Variants in TTC7B observed in about 807,000 individuals in gnomAD.
The protein encoded by TTC7B is tetratricopeptide repeat protein 7B.
Under a neutral mutation model 106.8 loss-of-function variants are expected in TTC7B, and 28 were observed. That is an observed-to-expected ratio of 0.26 (90% CI 0.19 to 0.36). The LOEUF (loss-of-function observed/expected upper bound fraction) is 0.36. Ranked by LOEUF, TTC7B falls within the 10% of genes least tolerant of loss-of-function variation. The pLI, the probability that TTC7B is intolerant of heterozygous loss-of-function variation, is 1.00. For synonymous variants in TTC7B, 405 were observed against 430.6 expected (o/e 0.94, Z 0.74); for missense variants, 862 against 1,076.4 (o/e 0.80, Z 2.79).
intron 1 of TTC7B, among the ~76,000 whole-genome samples, chr14:90,809,902 A>T (rs370175889): frequency 3.3e-5 from 5 of 152,334 alleles, no homozygotes; most frequent in African/African-American, 1.2e-4. Flanking sequence ...GCAACAGAAA[A>T]CAGCTGGTAG....
chr14:90,692,665 A>G (rs992918744), intron 6 of TTC7B, among the ~76,000 whole-genome samples: 5 of 152,226 alleles, frequency 3.3e-5, no homozygotes, highest in Non-Finnish European at 5.9e-5. Context: ...AGTTACTTTC[A>G]TTGTGCTTCC....
At chr14:90,760,310 T>C (rs9944033) in intron 3 of TTC7B, among the ~76,000 whole-genome samples, 69,433 of 151,934 alleles carry the variant, frequency 0.46, 17,617 homozygotes, top group African/African-American at 0.69. Flanking sequence ...CAGCAGGACA[T>C]GCAGCCAGCC....
At chr14:90,763,029 C>T (rs568541470) in intron 3 of TTC7B, among the ~76,000 whole-genome samples, 1 of 152,288 alleles carries the variant, frequency 6.6e-6, no homozygotes, top group African/African-American at 2.4e-5. Flanking sequence ...AAGGAGGGAA[C>T]ACTTCACAAC....
At chr14:90,650,930 A>G (rs903410003) in intron 13 of TTC7B, among the ~76,000 whole-genome samples, 1 of 152,226 alleles carries the variant, frequency 6.6e-6, no homozygotes, top group Non-Finnish European at 1.5e-5. Flanking sequence ...TGGATCCACT[A>G]GAGAACAAAT....
In TTC7B at chr14:90,526,110, T is replaced by C. The variant is rs1440820295; in HGVS notation, c.*15258A>G. 2 of 152,222 alleles carry C rather than the reference T, an allele frequency of 1.3e-5. No homozygotes were observed. Among genetic ancestry groups the C allele is most frequent in the East Asian group, 3.8e-4 (2 of 5,206 alleles). 9.4% of individuals were successfully genotyped at this position (152,222 alleles called of 1,614,324 possible). On this transcript the variant is annotated 3_prime_UTR_variant, in exon 20 of 20. Coordinates refer to ENST00000328459, the MANE Select transcript of TTC7B (RefSeq NM_001010854.2). The stretch of plus-strand genomic sequence containing the variant: ...CTTTTTAAGAAACTGCCAAACTGTT[T>C]TCCAAAGTGGCTGTACCATTTTACA...
chr14:90,751,117 A>G (rs149759856), intron 3 of TTC7B, among the ~76,000 whole-genome samples: 22 of 152,368 alleles, frequency 1.4e-4, no homozygotes, highest in African/African-American at 5.3e-4. Flanking sequence ...AGTGAAAAGC[A>G]GACTTGAAAA....
rs1332094694 is a variant in TTC7B, at chr14:90,555,360, C to G, written c.2311-13771G>C. 3.9e-5 allele frequency among the ~76,000 whole-genome samples: 6 copies of G among 152,190 alleles called. 1 individual carries two copies. The highest frequency in any genetic ancestry group is 8.8e-5 in the Non-Finnish European group (6 of 68,040). ...TGGCGGCTGCCAGATTCCGGGTGAG[C>G]CAGACCACGGGCTCTTGGGACCCAG... is the stretch of plus-strand genomic sequence containing the variant. On this transcript the variant is annotated intron_variant, in intron 19 of 19. Coordinates refer to ENST00000328459, the MANE Select transcript of TTC7B (RefSeq NM_001010854.2).
At chr14:90,584,111 G>A (rs1891620175) in intron 18 of TTC7B, among the ~76,000 whole-genome samples, 1 of 152,156 alleles carries the variant, frequency 6.6e-6, no homozygotes, top group South Asian at 2.1e-4. Context: ...GCAGGGCTGG[G>A]TCAAGCCTGT....
intron 5 of TTC7B, among the ~76,000 whole-genome samples, chr14:90,708,476 T>C (rs562052068): frequency 2.0e-4 from 31 of 152,212 alleles, no homozygotes; most frequent in Non-Finnish European, 2.6e-4. Flanking sequence ...TTATGCTAAA[T>C]TGACTCTGCC....
At position 90,541,208 on chromosome 14, in the gene TTC7B, C is replaced by T. The variant is rs1889564516; in HGVS notation, c.*160G>A. The T allele has an allele frequency of 1.2e-5, 7 of 560,092 alleles. No homozygotes were observed. The South Asian group carries it at 1.3e-4, about 10-fold the overall frequency. The allele number at this position is 560,092 out of a possible 1,614,324, so 34.7% of individuals were successfully genotyped here. On this transcript the variant is annotated 3_prime_UTR_variant, in exon 20 of 20. Coordinates refer to ENST00000328459, the MANE Select transcript of TTC7B (RefSeq NM_001010854.2). Reference sequence around the variant, plus strand: ...ACAAGAGAAACGCACATGGCGAGAGCGATGATTCGGGGTTGGTTTGGTTGG... The same window carrying T: ...ACAAGAGAAACGCACATGGCGAGAGTGATGATTCGGGGTTGGTTTGGTTGG...
Position 90,531,675 on chromosome 14 carries a change from G to T in TTC7B, c.*9693C>A, listed in dbSNP as rs1408630795. On this transcript the variant is annotated 3_prime_UTR_variant, in exon 20 of 20. Transcript: ENST00000328459. The stretch of plus-strand genomic sequence containing the variant: ...GGTGAACTGGCTTCATTTCTATACA[G>T]GAGCTCTGTCCATCTGCCAGTGCAG... 1.3e-5 allele frequency: 2 copies of T among 150,156 alleles called. No homozygotes were observed. Among genetic ancestry groups the T allele is most frequent in the Non-Finnish European group, 2.9e-5 (2 of 67,848 alleles). 9.3% of individuals were successfully genotyped at this position (150,156 alleles called of 1,614,324 possible). A position where few individuals can be genotyped will look rare whatever the true frequency, so the allele number is the denominator to read the frequency against.
intron 19 of TTC7B, among the ~76,000 whole-genome samples, chr14:90,553,246 G>A (rs1345118044): frequency 6.6e-6 from 1 of 152,220 alleles, no homozygotes; most frequent in Non-Finnish European, 1.5e-5. Flanking sequence ...GCTATCATGG[G>A]GCCCCTTTTC....
At chr14:90,716,927 A>G (rs1595312027) in intron 5 of TTC7B, among the ~76,000 whole-genome samples, 2 of 152,326 alleles carry the variant, frequency 1.3e-5, no homozygotes, top group East Asian at 1.9e-4. Context: ...GCTAGCAGAA[A>G]AAAAGATACA....
intron 3 of TTC7B, among the ~76,000 whole-genome samples, chr14:90,753,156 T>C (rs1197632862): frequency 1.3e-5 from 2 of 152,220 alleles, no homozygotes; most frequent in Non-Finnish European, 2.9e-5. Flanking sequence ...GAAAAGACTA[T>C]AAAATATAAT....
chr14:90,788,561 A>G (rs961486466), intron 1 of TTC7B, among the ~76,000 whole-genome samples: 1 of 138,090 alleles, frequency 7.2e-6, no homozygotes, highest in Non-Finnish European at 1.6e-5. Flanking sequence ...ACACTGTACC[A>G]TGTGCTCTTA....
chr14:90,621,795 G>C (rs1884210681), intron 15 of TTC7B, among the ~76,000 whole-genome samples: 1 of 152,212 alleles, frequency 6.6e-6, no homozygotes, highest in Non-Finnish European at 1.5e-5. Context: ...CTGAAAACAA[G>C]CAGTGATGCT....
At chr14:90,633,631 T>C (rs552454712) in intron 15 of TTC7B, among the ~76,000 whole-genome samples, 97 of 152,354 alleles carry the variant, frequency 6.4e-4, no homozygotes, top group African/African-American at 2.2e-3. Context: ...CGACCAACAG[T>C]GCCTCATTGC....
intron 11 of TTC7B, among the ~76,000 whole-genome samples, chr14:90,655,627 C>T (rs1348252830): frequency 6.6e-6 from 1 of 152,128 alleles, no homozygotes; most frequent in Non-Finnish European, 1.5e-5. Context: ...CTTGTGCCAG[C>T]AGATTCCAAT....
chr14:90,785,259 C>G (rs562727897), intron 2 of TTC7B, among the ~76,000 whole-genome samples: 1 of 152,106 alleles, frequency 6.6e-6, no homozygotes, highest in South Asian at 2.1e-4. Flanking sequence ...CGTGCACACA[C>G]AAACAAGAAT....
Sources: allele counts gnomAD v4.1 joint callset (sites outside exome capture counted in the v4.1 genomes callset), GRCh38; gene constraint gnomAD v4.1.1; transcripts MANE v1.5; gene names NCBI Gene and HGNC (gene_info 2026-07-23, HGNC 2026-07-21).